Variants in POLE2 observed in about 807,000 individuals in gnomAD.
The protein encoded by POLE2 is DNA polymerase epsilon subunit 2.
In POLE2, 56 loss-of-function variants were observed where a neutral mutation model predicts 79.4. The observed-to-expected ratio is 0.71, with a 90% CI of 0.57 to 0.88. The LOEUF (loss-of-function observed/expected upper bound fraction) is 0.88. POLE2 is among the 40% of genes least tolerant of loss of function. The pLI, the probability that POLE2 is intolerant of heterozygous loss-of-function variation, is 0.00. For synonymous variants in POLE2, 212 were observed against 214.0 expected (o/e 0.99, Z 0.08); for missense variants, 598 against 638.9 (o/e 0.94, Z 0.69).
At chr14:49,676,999 G>A (rs528846310) in intron 3 of POLE2, among the ~76,000 whole-genome samples, 2 of 152,356 alleles carry the variant, frequency 1.3e-5, no homozygotes, top group South Asian at 4.1e-4. Flanking sequence ...CATGCACTGT[G>A]TGCCTGCTCT....
intron 10 of POLE2, among the ~76,000 whole-genome samples, chr14:49,656,148 G>C (rs750119287): frequency 6.6e-6 from 1 of 152,144 alleles, no homozygotes; most frequent in Non-Finnish European, 1.5e-5. Context: ...GAGGTCAGGA[G>C]ATCGAGACCA....
intron 5 of POLE2, among the ~76,000 whole-genome samples, chr14:49,671,765 G>A (rs1423947771): frequency 6.6e-6 from 1 of 151,824 alleles, no homozygotes; most frequent in African/African-American, 2.4e-5. Flanking sequence ...GACCAGCCTG[G>A]CCAACATGGT....
intron 17 of POLE2, 78 bp from the exon 18 acceptor site, chr14:49,647,438 AT>A (rs1883865890): frequency 1.5e-5 from 7 of 457,704 alleles, no homozygotes; most frequent in Middle Eastern, 6.1e-4. Flanking sequence ...CAATATGTAT[AT>A]TTTTTATTTT....
chr14:49,682,195 G>A (rs557996601), intron 2 of POLE2, among the ~76,000 whole-genome samples: 1 of 150,808 alleles, frequency 6.6e-6, no homozygotes, highest in South Asian at 2.1e-4. Flanking sequence ...AGTAGAGACA[G>A]GGTTTGCCAT....
In POLE2 at chr14:49,657,301, T is replaced by A. The variant is rs116421698; in HGVS notation, c.756-1458A>T. ...CATATTATTAGATGAAAAACACAGG[T>A]TACAAAGCAAGGTACAGTATGTATC... On this transcript the variant is annotated intron_variant, in intron 10 of 18. Transcript: ENST00000216367. Among the ~76,000 whole-genome samples, 1,218 of 152,100 alleles carry A rather than the reference T, an allele frequency of 8.0e-3. 19 individuals are homozygous for A. Among genetic ancestry groups the A allele is most frequent in the African/African-American group, 0.028 (1,141 of 41,452 alleles).
chr14:49,666,075 C>T (rs1022322155), intron 7 of POLE2, among the ~76,000 whole-genome samples: 23 of 152,204 alleles, frequency 1.5e-4, no homozygotes, highest in Non-Finnish European at 2.1e-4. Flanking sequence ...ATCCGCCCAC[C>T]TCAGCCTCCC....
chr14:49,677,680 C>T (rs944627578), intron 3 of POLE2: 24 of 1,122,066 alleles, frequency 2.1e-5, no homozygotes, highest in East Asian at 5.5e-5. Context: ...AAGGCCCTTA[C>T]GAAATGGTGT....
At chr14:49,652,648 T>C (rs1234278207) in intron 15 of POLE2, among the ~76,000 whole-genome samples, 1 of 152,182 alleles carries the variant, frequency 6.6e-6, no homozygotes, top group Non-Finnish European at 1.5e-5. Context: ...ACACTCGTTA[T>C]AAGAATCTAA....
rs556858069 is a variant in POLE2, at chr14:49,678,128, T to C, written c.245+1597A>G. Among the ~76,000 whole-genome samples, 3 of 152,122 alleles carry C rather than the reference T, an allele frequency of 2.0e-5. No individual in the cohort carries two copies. In the South Asian group the frequency reaches 6.2e-4, roughly 32 times the overall value. On this transcript the variant is annotated intron_variant, in intron 3 of 18. Coordinates refer to ENST00000216367, the MANE Select transcript of POLE2 (RefSeq NM_002692.4). ...GATTCTCCTGCCTCAGCTTCCCAAA[T>C]AGCTGGGACTACAGGCATGCACCAC... is the stretch of plus-strand genomic sequence containing the variant.
chr14:49,675,088 A>ATT (rs34418737), intron 3 of POLE2, among the ~76,000 whole-genome samples: 33 of 147,200 alleles, frequency 2.2e-4, no homozygotes, highest in African/African-American at 5.0e-4. Flanking sequence ...GAGCTACAGT[A>ATT]TTTTTTTTTT....
intron 5 of POLE2, among the ~76,000 whole-genome samples, chr14:49,671,229 A>T (rs1885864664): frequency 6.6e-6 from 1 of 152,230 alleles, no homozygotes; most frequent in Non-Finnish European, 1.5e-5. Flanking sequence ...ACAGTGCCAA[A>T]TGTGGCACAG....
intron 3 of POLE2, among the ~76,000 whole-genome samples, chr14:49,675,476 G>A: frequency 6.6e-6 from 1 of 152,012 alleles, no homozygotes; most frequent in Non-Finnish European, 1.5e-5. Context: ...GTCTCACTCT[G>A]ATGCCCAGGC....
intron 13 of POLE2, chr14:49,654,547 A>T: frequency 2.1e-6 from 1 of 467,758 alleles, no homozygotes; most frequent in Non-Finnish European, 3.7e-6. Context: ...TAGACTCTTA[A>T]GAGTAATGCC....
chr14:49,664,186 T>C (rs1419539655), intron 9 of POLE2, among the ~76,000 whole-genome samples: 1 of 151,316 alleles, frequency 6.6e-6, no homozygotes, highest in Non-Finnish European at 1.5e-5. Context: ...CCGTCTCTAC[T>C]AAAATACAAA....
rs746882056 is a variant in POLE2, at chr14:49,665,118, G to A, written c.622C>T (p.Leu208Phe). 7.2e-7 allele frequency: 1 copy of A among 1,393,808 alleles called. No homozygotes were observed. The highest frequency in any genetic ancestry group is 1.0e-6 in the Non-Finnish European group (1 of 985,534). The allele number at this position is 1,393,808 out of a possible 1,614,324, so 86.3% of individuals were successfully genotyped here. A position where few individuals can be genotyped will look rare whatever the true frequency, so the allele number is the denominator to read the frequency against. ...CAAGTGAAGGATATAGCTTTACTAA[G>A]GTCTAGTTGGACTGTTCCAGTAGGA... ...EDPTGTVQLD[L>F]SKAQFHSGLY... Residue 208 changes from leucine (L) to phenylalanine (F), a missense_variant, in exon 8 of 19, where the codon CTT becomes TTT. Coordinates refer to ENST00000216367, the MANE Select transcript of POLE2 (RefSeq NM_002692.4).
intron 15 of POLE2, among the ~76,000 whole-genome samples, chr14:49,652,995 G>GA (rs1044241254): frequency 6.6e-6 from 1 of 152,018 alleles, no homozygotes; most frequent in African/African-American, 2.4e-5. Flanking sequence ...GGGACTTCCT[G>GA]AAAAAACATG....
Position 49,654,827 on chromosome 14 carries a change from T to C in POLE2, c.1030A>G (p.Thr344Ala). Residue 344 changes from threonine (T) to alanine (A), a missense_variant, in exon 13 of 19, where the codon ACT becomes GCT. Physicochemically the swap from Thr to Ala is moderately conservative, Grantham distance 58. Coordinates refer to ENST00000216367, the MANE Select transcript of POLE2 (RefSeq NM_002692.4). ...QVQALKDSLK[T>A]LADIICEYPD... ...TATTCACATATTATATCTGCCAAAG[T>C]TTTTAGGGAATCTAAAATTTTAAAA... The C allele has an allele frequency of 6.7e-7, 1 of 1,491,694 alleles. No homozygotes were observed. The highest frequency in any genetic ancestry group is 8.9e-7 in the Non-Finnish European group (1 of 1,124,662). 92.4% of individuals were successfully genotyped at this position (1,491,694 alleles called of 1,614,324 possible). A position where few individuals can be genotyped will look rare whatever the true frequency, so the allele number is the denominator to read the frequency against.
chr14:49,647,331 G>T lies in POLE2; in HGVS notation c.1527C>A (p.Phe509Leu). ...TCTTATTAGAAGGATAAAAAACTTTGAATGAAAATCCACTTCTTGGAAAAG... is the reference window on the plus strand; with the variant it reads ...TCTTATTAGAAGGATAAAAAACTTTTAATGAAAATCCACTTCTTGGAAAAG... Reference protein sequence around the residue: ...PGSFPRSGFSFKVFYPSNKTV... With the variant: ...PGSFPRSGFSLKVFYPSNKTV... Residue 509 changes from phenylalanine to leucine, a missense_variant, in exon 18 of 19, where the codon TTC becomes TTA. Coordinates refer to ENST00000216367, the MANE Select transcript of POLE2 (RefSeq NM_002692.4). The T allele has an allele frequency of 6.4e-7, 1 of 1,573,004 alleles. No homozygotes were observed. The highest frequency in any genetic ancestry group is 1.2e-5 in the South Asian group (1 of 85,402).
chr14:49,658,614 A>C (rs906179559), intron 10 of POLE2, among the ~76,000 whole-genome samples: 110 of 152,324 alleles, frequency 7.2e-4, no homozygotes, highest in Middle Eastern at 3.4e-3. Context: ...ACGTTTTGGC[A>C]ATGACGGACT....
Sources: allele counts gnomAD v4.1 joint callset (sites outside exome capture counted in the v4.1 genomes callset), GRCh38; gene constraint gnomAD v4.1.1; transcripts MANE v1.5; gene names NCBI Gene and HGNC (gene_info 2026-07-23, HGNC 2026-07-21).